PHF20L1: variants seen among roughly 807,000 people sequenced by gnomAD.
The protein encoded by PHF20L1 is PHD finger protein 20 like 1.
Under a neutral mutation model 125.5 loss-of-function variants are expected in PHF20L1, and 44 were observed. The observed-to-expected ratio is 0.35, with a 90% CI of 0.28 to 0.45. PHF20L1 has a LOEUF of 0.45. Among genes scored for constraint, PHF20L1 ranks in the 20% least tolerant of loss-of-function variants. The pLI is 1.00. For missense variants in PHF20L1, 1,012 were observed against 1,217.2 expected (o/e 0.83, Z 2.51); for synonymous variants, 380 against 403.1 (o/e 0.94, Z 0.69).
At position 132,842,797 on chromosome 8, in the gene PHF20L1, G is replaced by C; in HGVS notation, c.2670G>C (p.Leu890Phe). The C allele has an allele frequency of 1.9e-6, 3 of 1,612,924 alleles. No homozygotes were observed. Among genetic ancestry groups the C allele is most frequent in the Non-Finnish European group, 2.5e-6 (3 of 1,179,340 alleles). The change falls in exon 19 of 21, where the codon TTG (leucine) becomes TTC (phenylalanine). Residue 890 changes from leucine (L) to phenylalanine (F), a missense_variant. Coordinates refer to ENST00000395386, the MANE Select transcript of PHF20L1 (RefSeq NM_016018.5). Reference sequence around the variant, plus strand: ...CAGATGATGATGATGTTAGTAGTTTGGAAGAAGAACAAGAATTCCACATGA... The same window carrying C: ...CAGATGATGATGATGTTAGTAGTTTCGAAGAAGAACAAGAATTCCACATGA... ...GSSDDDDVSSLEEEQEFHMRS... is the reference protein window; with the variant it reads ...GSSDDDDVSSFEEEQEFHMRS...
rs1002650068 is a variant in PHF20L1, at chr8:132,836,692, A to G, written c.2062A>G (p.Met688Val). Reference sequence around the variant, plus strand: ...TGAAATTGTGCGATGTATTTGTGAGATGGATGAGGAGAATGGCTTCATGAT... The same window carrying G: ...TGAAATTGTGCGATGTATTTGTGAGGTGGATGAGGAGAATGGCTTCATGAT... ...LNEIVRCICE[M>V]DEENGFMIQC... Residue 688 changes from methionine (M) to valine (V), a missense_variant, in exon 16 of 21, where the codon ATG becomes GTG. Physicochemically the swap from Met to Val is conservative, Grantham distance 21. Around this residue, in one of 7 missense-constraint regions of PHF20L1, gnomAD observed 320 missense variants for 293.8 expected, o/e 1.09. Transcript: ENST00000395386. 1.2e-6 allele frequency: 2 copies of G among 1,612,718 alleles called. No individual in the cohort carries two copies. Among genetic ancestry groups the G allele is most frequent in the African/African-American group, 2.7e-5 (2 of 74,836 alleles).
intron 12 of PHF20L1, among the ~76,000 whole-genome samples, chr8:132,820,310 G>A (rs1835439496): frequency 1.3e-5 from 2 of 151,516 alleles, no homozygotes; most frequent in African/African-American, 4.8e-5. Flanking sequence ...TTTGAAAAGG[G>A]GTCTTTTGAA....
At chr8:132,815,426 C>T (rs942517134) in intron 10 of PHF20L1, 1 of 151,602 alleles carries the variant, frequency 6.6e-6, no homozygotes, top group Non-Finnish European at 1.5e-5. Context: ...CAGTCTTTTT[C>T]GAAAACACCT....
At chr8:132,837,049 A>T (rs1320585835) in intron 16 of PHF20L1, among the ~76,000 whole-genome samples, 2 of 152,136 alleles carry the variant, frequency 1.3e-5, no homozygotes, top group Non-Finnish European at 2.9e-5. Flanking sequence ...ATTCATGTGA[A>T]TTATTATAAT....
intron 17 of PHF20L1, 180 bp from the exon 18 acceptor site, chr8:132,839,207 G>A (rs770562705): frequency 5.6e-5 from 32 of 572,972 alleles, no homozygotes; most frequent in Admixed American, 5.4e-4. Context: ...GGGCAGGAAC[G>A]CTGAAGGTGT....
chr8:132,836,360 G>C (rs1452314707), intron 15 of PHF20L1, 180 bp from the exon 16 acceptor site: 7 of 496,702 alleles, frequency 1.4e-5, no homozygotes, highest in Admixed American at 7.4e-5. Flanking sequence ...AATTACCTAA[G>C]CTTCAAAAAT....
intron 14 of PHF20L1, among the ~76,000 whole-genome samples, chr8:132,825,969 C>T (rs1836129978): frequency 6.6e-6 from 1 of 151,954 alleles, no homozygotes; most frequent in South Asian, 2.1e-4. Flanking sequence ...TTGTTTTAAG[C>T]CACTAAATTT....
At chr8:132,811,616 G>T (rs188374578) in intron 9 of PHF20L1, 1 of 982,498 alleles carries the variant, frequency 1.0e-6, no homozygotes, top group Non-Finnish European at 1.2e-6. Flanking sequence ...CAAAAAAAGA[G>T]AGTTTAAAAA....
intron 15 of PHF20L1, among the ~76,000 whole-genome samples, chr8:132,832,935 GGTAGT>G (rs1563844324): frequency 2.0e-5 from 3 of 152,084 alleles, no homozygotes; most frequent in South Asian, 2.1e-4. Flanking sequence ...AGCGCCCTTA[GGTAGT>G]CAGAAGGCCA....
rs768475619 is a variant in PHF20L1 at position 132,799,047 on chromosome 8, C to T, written c.430-48C>T. The stretch of plus-strand genomic sequence containing the variant: ...TAAATTATACATTTGATTTTTGCTT[C>T]TTTGGTTTAGACCTGCTAAAGTTAT... On this transcript the variant is annotated intron_variant, in intron 5 of 20. Coordinates refer to ENST00000395386, the MANE Select transcript of PHF20L1 (RefSeq NM_016018.5). 16 of 1,504,494 alleles carry T rather than the reference C, an allele frequency of 1.1e-5. No individual in the cohort carries two copies. The East Asian group carries it at 3.6e-4, about 34-fold the overall frequency. The allele number at this position is 1,504,494 out of a possible 1,614,324, so 93.2% of individuals were successfully genotyped here. A position where few individuals can be genotyped will look rare whatever the true frequency, so the allele number is the denominator to read the frequency against.
At chr8:132,802,211 T>C (rs1833150934) in intron 6 of PHF20L1, among the ~76,000 whole-genome samples, 1 of 151,544 alleles carries the variant, frequency 6.6e-6, no homozygotes, top group Admixed American at 6.6e-5. Context: ...AAAGCTCAAC[T>C]TAGCCATACT....
chr8:132,833,303 C>A (rs922108037), intron 15 of PHF20L1, among the ~76,000 whole-genome samples: 5 of 152,080 alleles, frequency 3.3e-5, no homozygotes, highest in African/African-American at 1.2e-4. Context: ...TCTAAGTCCT[C>A]CCTGGCTCGT....
At chr8:132,795,972 G>A (rs1201393328) in intron 4 of PHF20L1, among the ~76,000 whole-genome samples, 1 of 152,048 alleles carries the variant, frequency 6.6e-6, no homozygotes, top group Non-Finnish European at 1.5e-5. Context: ...TCAGACCGCG[G>A]TTGACTGCAA....
At chr8:132,836,501 G>T in intron 15 of PHF20L1, 39 bp from the exon 16 acceptor site, 1 of 1,320,198 alleles carries the variant, frequency 7.6e-7, no homozygotes, top group Middle Eastern at 1.9e-4. Context: ...CATGAAAATA[G>T]AAAAGTTGTT....
chr8:132,780,866 A>T (rs1830343657), intron 2 of PHF20L1, among the ~76,000 whole-genome samples: 2 of 141,214 alleles, frequency 1.4e-5, no homozygotes, highest in African/African-American at 2.7e-5. Context: ...TTTTTTTGAG[A>T]CAGAGTCTTT....
At chr8:132,813,021 CAGTA>C (rs1240632474) in intron 9 of PHF20L1, 5 of 943,898 alleles carry the variant, frequency 5.3e-6, no homozygotes, top group Non-Finnish European at 6.3e-6. Flanking sequence ...CATAATAACT[CAGTA>C]AGTTTTAAAA....
intron 17 of PHF20L1, among the ~76,000 whole-genome samples, chr8:132,838,876 A>G (rs1837644690): frequency 6.6e-6 from 1 of 152,136 alleles, no homozygotes; most frequent in African/African-American, 2.4e-5. Context: ...GTAGTATAGT[A>G]TGGGACACAG....
chr8:132,806,157 C>A (rs766724488), intron 8 of PHF20L1, among the ~76,000 whole-genome samples: 1 of 151,896 alleles, frequency 6.6e-6, no homozygotes, highest in Non-Finnish European at 1.5e-5. Flanking sequence ...CAGCATCATG[C>A]TTTTTTTCCT....
At chr8:132,824,299 T>C in intron 13 of PHF20L1, 1 of 344,628 alleles carries the variant, frequency 2.9e-6, no homozygotes, top group Non-Finnish European at 5.2e-6. Context: ...CTTTTGTGTT[T>C]ATGATCATCC....
Sources: gnomAD v4.1 joint callset for allele counts (sites outside exome capture counted in the v4.1 genomes callset) on GRCh38, gnomAD v4.1.1 for gene constraint, gnomAD v4.1.1 regional missense constraint, MANE v1.5 for transcripts, NCBI Gene and HGNC (gene_info 2026-07-23, HGNC 2026-07-21) for gene names.